The following DNAAF6 variants were observed in gnomAD, a reference collection of about 807,000 sequenced individuals.
The protein encoded by DNAAF6 is PIH1 domain containing 3.
A neutral mutation model predicts 13.7 loss-of-function variants in DNAAF6; 3 were observed. The ratio of observed to expected loss-of-function variants is 0.22; its 90% CI spans 0.10 to 0.56. The LOEUF (loss-of-function observed/expected upper bound fraction) is 0.56, where lower values mean the gene tolerates loss of function less well. Among genes scored for constraint, DNAAF6 ranks in the 20% least tolerant of loss-of-function variants. DNAAF6 has a pLI of 0.92. For synonymous variants in DNAAF6, 54 were observed against 49.2 expected, an observed-to-expected ratio of 1.10 and a Z score of -0.41; for missense variants, 130 against 151.0, an observed-to-expected ratio of 0.86 and a Z score of 0.73.
intron 5 of DNAAF6, among the ~76,000 whole-genome samples, chrX:107,229,137 T>TTTTTTTTTTTTTTTTTTC (rs1928324863): frequency 1.3e-5 from 1 of 75,316 alleles, no homozygotes; most frequent in Non-Finnish European, 2.4e-5. Context: ...CTTTTTTTTT[T>TTTTTTTTTTTTTTTTTTC]TTTTTTTTTT....
chrX:107,240,048 C>T (rs1602692185), intron 6 of DNAAF6, among the ~76,000 whole-genome samples: 2 of 112,244 alleles, frequency 1.8e-5, no homozygotes, highest in Non-Finnish European at 1.9e-5. Flanking sequence ...TAGCAGTTCT[C>T]ACTGTCTGTG....
chrX:107,213,109 G>C lies in DNAAF6; in HGVS notation c.153+81G>C, dbSNP rs956551008. 33 of 981,489 alleles carry C rather than the reference G, an allele frequency of 3.4e-5. No homozygotes were observed. In the African/African-American group the frequency reaches 6.1e-4, roughly 18 times the overall value. 80.9% of individuals were successfully genotyped at this position (981,489 alleles called of 1,213,427 possible). ...TATTTGAATAACCTGTTCCCACCTAGCTGTGGGAACAGAGCTGTGTCATTT... is the reference window on the plus strand; with the variant it reads ...TATTTGAATAACCTGTTCCCACCTACCTGTGGGAACAGAGCTGTGTCATTT... On this transcript the variant is annotated intron_variant, in intron 2 of 6. Coordinates refer to ENST00000372453, the MANE Select transcript of DNAAF6 (RefSeq NM_173494.2).
intron 5 of DNAAF6, among the ~76,000 whole-genome samples, chrX:107,232,553 T>C (rs1365085160): frequency 9.0e-6 from 1 of 111,506 alleles, no homozygotes; most frequent in Non-Finnish European, 1.9e-5. Flanking sequence ...TAAATTGTAT[T>C]GTACATTAGA....
intron 1 of DNAAF6, among the ~76,000 whole-genome samples, chrX:107,211,202 TTTTTTTCTAAAAATTCACAAACTG>T (rs1414515657): frequency 8.9e-6 from 1 of 112,254 alleles, no homozygotes; most frequent in African/African-American, 3.2e-5. Flanking sequence ...ATTTTGAATG[TTTTTTTCTAAAAATTCACAAACTG>T]TTTTTCTCTT....
At chrX:107,229,674 G>A (rs1307297777) in intron 5 of DNAAF6, among the ~76,000 whole-genome samples, 2 of 108,361 alleles carry the variant, frequency 1.8e-5, no homozygotes, top group African/African-American at 6.8e-5. Flanking sequence ...CTCTAGTCCT[G>A]AACTCTCCCA....
chrX:107,214,968 A>C (rs1250605283), intron 2 of DNAAF6, among the ~76,000 whole-genome samples: 4 of 111,345 alleles, frequency 3.6e-5, no homozygotes, highest in East Asian at 5.6e-4. Context: ...GGGGATCTTA[A>C]GGCCTGTGGG....
chrX:107,217,442 C>T (rs1041853531), intron 3 of DNAAF6, among the ~76,000 whole-genome samples: 8 of 111,284 alleles, frequency 7.2e-5, no homozygotes, highest in African/African-American at 2.6e-4. Flanking sequence ...CAGAAAAAGT[C>T]CCTGTTCTGA....
At chrX:107,211,188 T>C (rs963752874) in intron 1 of DNAAF6, among the ~76,000 whole-genome samples, 2 of 112,302 alleles carry the variant, frequency 1.8e-5, no homozygotes, top group Non-Finnish European at 1.9e-5. Flanking sequence ...TTCCTTTCCA[T>C]TGAATTTTGA....
chrX:107,228,736 C>T (rs1373588652), intron 5 of DNAAF6, among the ~76,000 whole-genome samples: 3 of 111,157 alleles, frequency 2.7e-5, no homozygotes, highest in African/African-American at 9.8e-5. Flanking sequence ...CCACTTCAGC[C>T]TCTCTGGTAG....
chrX:107,235,462 C>A (rs1289909914), intron 5 of DNAAF6, among the ~76,000 whole-genome samples: 1 of 111,328 alleles, frequency 9.0e-6, no homozygotes, highest in Non-Finnish European at 1.9e-5. Context: ...AAAGGCATTG[C>A]TTCTGCCTTC....
chrX:107,209,694 A>G (rs1927807941), intron 1 of DNAAF6, among the ~76,000 whole-genome samples: 1 of 112,226 alleles, frequency 8.9e-6, no homozygotes. Flanking sequence ...TTAGCCTCCC[A>G]AAGTGCTGGG....
intron 5 of DNAAF6, among the ~76,000 whole-genome samples, chrX:107,233,110 A>C (rs961363996): frequency 2.7e-5 from 3 of 111,662 alleles, no homozygotes; most frequent in African/African-American, 9.8e-5. Context: ...TAGAAATATC[A>C]ATAAAGAACA....
intron 6 of DNAAF6, among the ~76,000 whole-genome samples, chrX:107,241,242 C>G (rs1229972004): frequency 1.8e-5 from 2 of 111,915 alleles, no homozygotes; most frequent in African/African-American, 6.5e-5. Flanking sequence ...GCATGTAAGT[C>G]TCTAAACTTG....
chrX:107,211,596 G>A (rs1438621992), intron 1 of DNAAF6, among the ~76,000 whole-genome samples: 1 of 111,903 alleles, frequency 8.9e-6, no homozygotes, highest in Non-Finnish European at 1.9e-5. Context: ...AAGTGTACAC[G>A]TTCCAAGGAG....
At chrX:107,216,814 A>G (rs879179618) in intron 3 of DNAAF6, 71 bp downstream of exon 3, 2 of 710,014 alleles carry the variant, frequency 2.8e-6, no homozygotes, top group Admixed American at 6.3e-5. Context: ...AGGGAGAGTA[A>G]TAAGTACTAA....
At position 107,244,079 on chromosome X, in the gene DNAAF6, T is replaced by C. The variant is rs1419005347; in HGVS notation, c.*781T>C. On this transcript the variant is annotated 3_prime_UTR_variant, in exon 7 of 7. Coordinates refer to ENST00000372453, the MANE Select transcript of DNAAF6 (RefSeq NM_173494.2). The stretch of plus-strand genomic sequence containing the variant: ...AAGGAACACTTTTGTGCGTACAGTA[T>C]TATTTGGCTTCTTCAGTTGTGCTTT... The C allele has an allele frequency of 8.9e-6, 1 of 112,788 alleles. No homozygotes were observed. Among genetic ancestry groups the C allele is most frequent in the Non-Finnish European group, 1.9e-5 (1 of 53,264 alleles). The allele number at this position is 112,788 out of a possible 1,213,427, so 9.3% of individuals were successfully genotyped here.
intron 5 of DNAAF6, among the ~76,000 whole-genome samples, chrX:107,229,407 T>C (rs1399000658): frequency 9.2e-6 from 1 of 109,087 alleles, no homozygotes; most frequent in Non-Finnish European, 1.9e-5. Flanking sequence ...ATTACAGGCA[T>C]GAGCCACCGC....
Position 107,208,354 on chromosome X carries a change from G to A in DNAAF6, c.-4+1664G>A, listed in dbSNP as rs967504104. ...AGGCTGAGGTGGGAAGATTACTTGA[G>A]CCAGGGAGGTCGAGGCTGCAGTGAG... is the stretch of plus-strand genomic sequence containing the variant. On this transcript the variant is annotated intron_variant, in intron 1 of 6. Coordinates refer to ENST00000372453, the MANE Select transcript of DNAAF6 (RefSeq NM_173494.2). 3.7e-5 allele frequency among the ~76,000 whole-genome samples: 4 copies of A among 109,071 alleles called. No individual in the cohort carries two copies. In the Admixed American group the frequency reaches 3.9e-4, roughly 11 times the overall value. 94.7% of individuals were successfully genotyped at this position (109,071 alleles called of 115,157 possible).
intron 1 of DNAAF6, among the ~76,000 whole-genome samples, chrX:107,212,646 G>C (rs1214323902): frequency 1.8e-5 from 2 of 111,765 alleles, no homozygotes; most frequent in Non-Finnish European, 3.8e-5. Flanking sequence ...GTTAGCTTGA[G>C]TATGACATTT....
Sources: gnomAD v4.1 joint callset for allele counts (sites outside exome capture counted in the v4.1 genomes callset) on GRCh38, gnomAD v4.1.1 for gene constraint, MANE v1.5 for transcripts, NCBI Gene and HGNC (gene_info 2026-07-23, HGNC 2026-07-21) for gene names.